Variants in GPR39 observed in about 807,000 individuals in gnomAD.
GPR39 encodes the protein G protein-coupled receptor 39.
In GPR39, 23 loss-of-function variants were observed where a neutral mutation model predicts 18.4. That is an observed-to-expected ratio of 1.25 (90% CI 0.90 to 1.77). The LOEUF (loss-of-function observed/expected upper bound fraction) is 1.77, where lower values mean the gene tolerates loss of function less well. Ranked by LOEUF, GPR39 falls within the 40% of genes most tolerant of loss-of-function variation. The probability of loss-of-function intolerance (pLI) is 0.00; values close to 1 mark genes in which losing one functional copy is unlikely to be tolerated. For missense variants in GPR39, 647 were observed against 602.4 expected, an observed-to-expected ratio of 1.07 and a Z score of -0.78; for synonymous variants, 280 against 257.9, an observed-to-expected ratio of 1.09 and a Z score of -0.82.
At chr2:132,473,171 GTTC>G in intron 1 of GPR39, among the ~76,000 whole-genome samples, 1 of 152,304 alleles carries the variant, frequency 6.6e-6, no homozygotes, top group East Asian at 1.9e-4. Flanking sequence ...AATGAGTGCT[GTTC>G]TTCTTTTGTA....
intron 1 of GPR39, among the ~76,000 whole-genome samples, chr2:132,609,499 T>A (rs936128243): frequency 6.6e-6 from 1 of 152,126 alleles, no homozygotes; most frequent in Non-Finnish European, 1.5e-5. Flanking sequence ...TGGGGTTGAG[T>A]TGAACTCCTA....
At position 132,646,324 on chromosome 2, in the gene GPR39, A is replaced by C; in HGVS notation, c.*718A>C. The stretch of plus-strand genomic sequence containing the variant: ...GGAGCTGAGTTAACGTGCACCGGCA[A>C]AAGAATAGCTGTCCCTCTCAGCCCA... On this transcript the variant is annotated 3_prime_UTR_variant, in exon 2 of 2. Coordinates refer to ENST00000329321, the MANE Select transcript of GPR39 (RefSeq NM_001508.3). The C allele has an allele frequency of 7.5e-7, 1 of 1,328,790 alleles. No individual in the cohort carries two copies. The highest frequency in any genetic ancestry group is 1.0e-6 in the Non-Finnish European group (1 of 1,004,402). The allele number at this position is 1,328,790 out of a possible 1,614,324, so 82.3% of individuals were successfully genotyped here.
At chr2:132,555,430 G>A (rs1028624915) in intron 1 of GPR39, among the ~76,000 whole-genome samples, 1 of 152,192 alleles carries the variant, frequency 6.6e-6, no homozygotes, top group African/African-American at 2.4e-5. Flanking sequence ...TCATCCAAAG[G>A]CTTTCCTGGG....
rs534747910 is a variant in GPR39, at chr2:132,530,925, C to G, written c.856+113027C>G. Reference sequence around the variant, plus strand: ...TGCCAAATTGTAAAGACCATCAAGGCTAGGAAGAAACTGCATCAACTAACG... The same window carrying G: ...TGCCAAATTGTAAAGACCATCAAGGGTAGGAAGAAACTGCATCAACTAACG... On this transcript the variant is annotated intron_variant, in intron 1 of 1. Coordinates refer to ENST00000329321, the MANE Select transcript of GPR39 (RefSeq NM_001508.3). Among the ~76,000 whole-genome samples, 66 of 152,294 alleles carry G rather than the reference C, an allele frequency of 4.3e-4. No individual in the cohort carries two copies. In the South Asian group the frequency reaches 0.013, roughly 31 times the overall value.
Position 132,439,908 on chromosome 2 carries a change from T to C in GPR39, c.856+22010T>C, listed in dbSNP as rs560643660. On this transcript the variant is annotated intron_variant, in intron 1 of 1. Coordinates refer to ENST00000329321, the MANE Select transcript of GPR39 (RefSeq NM_001508.3). ...GTGCTGTCTCCAGTTTCTCACAGCA[T>C]GCCCACTTCCTATGGGGCTGCTCCA... 6.6e-5 allele frequency among the ~76,000 whole-genome samples: 10 copies of C among 152,320 alleles called. No homozygotes were observed. In the South Asian group the frequency reaches 2.1e-3, roughly 32 times the overall value.
chr2:132,417,939 A>T (rs778715826), intron 1 of GPR39, 41 bp downstream of exon 1: 28 of 1,534,052 alleles, frequency 1.8e-5, no homozygotes, highest in Non-Finnish European at 2.4e-5. Flanking sequence ...CAGCTTCCCA[A>T]CCTTCCCCCA....
At chr2:132,472,364 A>C (rs868212787) in intron 1 of GPR39, among the ~76,000 whole-genome samples, 6 of 152,094 alleles carry the variant, frequency 3.9e-5, no homozygotes, top group African/African-American at 1.4e-4. Flanking sequence ...CTCCTGACCT[A>C]TCAGCAAATC....
intron 1 of GPR39, among the ~76,000 whole-genome samples, chr2:132,423,073 C>A (rs190201464): frequency 6.6e-6 from 1 of 152,040 alleles, no homozygotes; most frequent in East Asian, 1.9e-4. Flanking sequence ...AGGCAAGGTC[C>A]GCTGGTCTAC....
chr2:132,544,878 G>C (rs572344616), intron 1 of GPR39, among the ~76,000 whole-genome samples: 1 of 152,312 alleles, frequency 6.6e-6, no homozygotes, highest in East Asian at 1.9e-4. Flanking sequence ...CATGCTGATT[G>C]GTTTGTGAGT....
At chr2:132,517,365 G>A (rs1474098675) in intron 1 of GPR39, among the ~76,000 whole-genome samples, 4 of 152,102 alleles carry the variant, frequency 2.6e-5, no homozygotes, top group Admixed American at 2.0e-4. Context: ...CTTTAAAATG[G>A]TTGTGCCTGG....
intron 1 of GPR39, among the ~76,000 whole-genome samples, chr2:132,499,486 C>T (rs1349302519): frequency 1.3e-5 from 2 of 151,874 alleles, no homozygotes; most frequent in African/African-American, 4.8e-5. Flanking sequence ...GGTGTGATAC[C>T]TCTAGATTTG....
At chr2:132,457,892 C>T (rs1680760446) in intron 1 of GPR39, among the ~76,000 whole-genome samples, 1 of 152,248 alleles carries the variant, frequency 6.6e-6, no homozygotes, top group Non-Finnish European at 1.5e-5. Flanking sequence ...TCTTGGACTG[C>T]TGCGCTAGCA....
intron 1 of GPR39, among the ~76,000 whole-genome samples, chr2:132,426,579 A>C (rs1680121774): frequency 1.3e-5 from 2 of 152,206 alleles, no homozygotes; most frequent in Non-Finnish European, 2.9e-5. Flanking sequence ...TCAGGGAGGA[A>C]GCCAACCCTG....
chr2:132,633,254 T>C (rs1000302049), intron 1 of GPR39, among the ~76,000 whole-genome samples: 10 of 152,096 alleles, frequency 6.6e-5, no homozygotes, highest in Non-Finnish European at 1.2e-4. Context: ...TTCCCTCTTG[T>C]TGTAATCCTA....
chr2:132,437,747 G>A (rs1376515473), intron 1 of GPR39, among the ~76,000 whole-genome samples: 2 of 152,304 alleles, frequency 1.3e-5, no homozygotes, highest in Non-Finnish European at 2.9e-5. Flanking sequence ...TTCCTTGACT[G>A]CAAGGAAATT....
At chr2:132,548,371 T>C (rs548239974) in intron 1 of GPR39, among the ~76,000 whole-genome samples, 2 of 152,336 alleles carry the variant, frequency 1.3e-5, no homozygotes, top group East Asian at 3.9e-4. Flanking sequence ...ACTCAACTTT[T>C]CATAGGAAGA....
intron 1 of GPR39, among the ~76,000 whole-genome samples, chr2:132,605,070 C>T (rs1373582050): frequency 6.6e-6 from 1 of 152,154 alleles, no homozygotes; most frequent in African/African-American, 2.4e-5. Context: ...AATTGAGGTA[C>T]AGTCAATGAG....
At chr2:132,419,343 C>A (rs1415725615) in intron 1 of GPR39, among the ~76,000 whole-genome samples, 6 of 152,230 alleles carry the variant, frequency 3.9e-5, no homozygotes, top group African/African-American at 1.4e-4. Context: ...AGTTCAGAAT[C>A]ACCTCAGTGC....
intron 1 of GPR39, among the ~76,000 whole-genome samples, chr2:132,430,511 A>G (rs993770348): frequency 1.2e-4 from 19 of 152,214 alleles, no homozygotes; most frequent in Admixed American, 1.2e-3. Flanking sequence ...GTCAAAGGGA[A>G]GGCTAAATAA....
Sources: allele counts gnomAD v4.1 joint callset (sites outside exome capture counted in the v4.1 genomes callset), GRCh38; gene constraint gnomAD v4.1.1; transcripts MANE v1.5; gene names NCBI Gene and HGNC (gene_info 2026-07-23, HGNC 2026-07-21).